LDHAL6A: variants seen among roughly 807,000 people sequenced by gnomAD.
LDHAL6A encodes the protein L-lactate dehydrogenase A-like 6A.
LDHAL6A carries 19 observed loss-of-function variants against 28.2 expected under a neutral mutation model. That is an observed-to-expected ratio of 0.67 (90% CI 0.47 to 0.99). LDHAL6A has a LOEUF of 0.99. LDHAL6A is among the 50% of genes least tolerant of loss of function. The pLI is 0.00. For missense variants in LDHAL6A, 372 were observed against 398.6 expected (o/e 0.93, Z 0.57); for synonymous variants, 144 against 134.4 (o/e 1.07, Z -0.49).
rs771130636 is a variant in LDHAL6A at position 18,476,461 on chromosome 11, C to A, written c.670C>A (p.Pro224Thr). 3 of 1,613,988 alleles carry A rather than the reference C, an allele frequency of 1.9e-6. No individual in the cohort carries two copies. The highest frequency in any genetic ancestry group is 4.5e-5 in the East Asian group (2 of 44,854). The change falls in exon 5 of 7, where the codon CCT becomes ACT. Residue 224 changes from proline to threonine, a missense_variant. By Grantham distance (38) the Pro-to-Thr change is conservative. Around this residue, in one of 3 missense-constraint regions of LDHAL6A, gnomAD observed 291 missense variants for 302.9 expected, o/e 0.96. Coordinates refer to ENST00000280706, the MANE Select transcript of LDHAL6A (RefSeq NM_144972.5). ...CCCAGATATAGGAACTGATAAAGAT[C>A]CTGAGCAGTGGGAAAATGTCCACAA... ...LNPDIGTDKD[P>T]EQWENVHKKV...
intron 1 of LDHAL6A, among the ~76,000 whole-genome samples, chr11:18,462,588 G>C (rs1848946468): frequency 2.1e-5 from 3 of 145,892 alleles, no homozygotes; most frequent in Non-Finnish European, 3.0e-5. Context: ...AGTGAGCCGA[G>C]ATCACGCCAC....
intron 3 of LDHAL6A, among the ~76,000 whole-genome samples, chr11:18,467,955 ACG>A (rs1205759927): frequency 0.01 from 408 of 39,150 alleles, 33 homozygotes; most frequent in African/African-American, 0.035. Flanking sequence ...ATATATATAT[ACG>A]TATATATATA....
intron 5 of LDHAL6A, chr11:18,476,778 A>G: frequency 5.2e-6 from 1 of 191,830 alleles, no homozygotes; most frequent in Non-Finnish European, 9.6e-6. Context: ...CTTGCTATAT[A>G]GTGTTTATTG....
rs1027846781 is a variant in LDHAL6A, at chr11:18,456,253, C to T, written c.-428C>T. On this transcript the variant is annotated 5_prime_UTR_variant, in exon 1 of 7. Transcript: ENST00000280706. ...TGAGTGTGGCCAGAAGTACCTCTCA[C>T]CTGGACCTGCGGACCCCGGGCGCAG... The T allele has an allele frequency of 5.6e-6, 1 of 177,512 alleles. No individual in the cohort carries two copies. The highest frequency in any genetic ancestry group is 2.4e-5 in the African/African-American group (1 of 41,610). 11.0% of individuals were successfully genotyped at this position (177,512 alleles called of 1,614,324 possible). A position where few individuals can be genotyped will look rare whatever the true frequency, so the allele number is the denominator to read the frequency against.
chr11:18,466,796 C>G (rs919060911), intron 3 of LDHAL6A, among the ~76,000 whole-genome samples: 3 of 152,144 alleles, frequency 2.0e-5, no homozygotes, highest in African/African-American at 7.2e-5. Flanking sequence ...TACTGCCTGA[C>G]TCTCCAAAAT....
intron 3 of LDHAL6A, among the ~76,000 whole-genome samples, chr11:18,471,936 T>C (rs1307828197): frequency 6.7e-6 from 1 of 148,358 alleles, no homozygotes; most frequent in East Asian, 2.0e-4. Flanking sequence ...AAGTGGAAAA[T>C]GGAAAATTTA....
intron 1 of LDHAL6A, among the ~76,000 whole-genome samples, chr11:18,457,184 A>G (rs1274554699): frequency 6.6e-6 from 1 of 152,178 alleles, no homozygotes; most frequent in Non-Finnish European, 1.5e-5. Context: ...CAAATACAAT[A>G]ATCTTTTTTC....
At chr11:18,460,512 G>A (rs1848870652) in intron 1 of LDHAL6A, among the ~76,000 whole-genome samples, 1 of 149,932 alleles carries the variant, frequency 6.7e-6, no homozygotes, top group Admixed American at 6.7e-5. Flanking sequence ...AGAATCGCTT[G>A]AACCCGGGAG....
At chr11:18,478,671 T>TA (rs2133895334) in intron 6 of LDHAL6A, 35 bp from the exon 7 acceptor site, 1 of 1,554,394 alleles carries the variant, frequency 6.4e-7, no homozygotes, top group Non-Finnish European at 8.8e-7. Flanking sequence ...AGAACTTTGT[T>TA]AAAAAAGGAA....
Position 18,475,673 on chromosome 11 carries a change from T to G in LDHAL6A, c.592+34T>G, listed in dbSNP as rs918675253. The G allele has an allele frequency of 2.5e-6, 4 of 1,569,084 alleles. No homozygotes were observed. In the Admixed American group the frequency reaches 7.4e-5, roughly 29 times the overall value. ...GAGGCACGATTGAGCCTCTGAAATATCTATTTCCTATCAATCATACAGACA... is the reference window on the plus strand; with the variant it reads ...GAGGCACGATTGAGCCTCTGAAATAGCTATTTCCTATCAATCATACAGACA... On this transcript the variant is annotated intron_variant, in intron 4 of 6. Transcript: ENST00000280706.
At position 18,475,518 on chromosome 11, in the gene LDHAL6A, T is replaced by C. The variant is rs141979925; in HGVS notation, c.471T>C (p.Arg157=). The change falls in exon 4 of 7, where the codon CGT becomes CGC. Residue 157 remains arginine (R), a synonymous_variant. Transcript: ENST00000280706. The part of the protein sequence containing the change: ...AWKLSGFPKN[R]VIGSGCNLDS... Reference sequence around the variant, plus strand: ...AGTTGAGTGGATTTCCCAAAAACCGTGTTATTGGAAGTGGTTGTAATCTGG... The same window carrying C: ...AGTTGAGTGGATTTCCCAAAAACCGCGTTATTGGAAGTGGTTGTAATCTGG... The C allele has an allele frequency of 8.1e-6, 13 of 1,613,564 alleles. No individual in the cohort carries two copies. In the African/African-American group the frequency reaches 1.1e-4, roughly 13 times the overall value.
In LDHAL6A at chr11:18,475,631, A is replaced by T. The variant is rs773302891; in HGVS notation, c.584A>T (p.Asp195Val). 6.2e-7 allele frequency: 1 copy of T among 1,612,414 alleles called. No homozygotes were observed. Among genetic ancestry groups the T allele is most frequent in the Non-Finnish European group, 8.5e-7 (1 of 1,179,368 alleles). ...CHGLILGEHG[D>V]SSVPVWSGVN... ...GGGCTGATCCTTGGAGAGCATGGCGACTCAAGTGGTAAGCCTGAGGCACGA... is the reference window on the plus strand; with the variant it reads ...GGGCTGATCCTTGGAGAGCATGGCGTCTCAAGTGGTAAGCCTGAGGCACGA... The change falls in exon 4 of 7, where the codon GAC becomes GTC. Residue 195 changes from aspartate to valine, a missense_variant. By Grantham distance (152) the Asp-to-Val change is radical (BLOSUM62 -3). Coordinates refer to ENST00000280706, the MANE Select transcript of LDHAL6A (RefSeq NM_144972.5).
Position 18,475,813 on chromosome 11 carries a change from G to A in LDHAL6A, c.592+174G>A, listed in dbSNP as rs149951855. 2.9e-3 allele frequency: 1,533 copies of A among 519,720 alleles called. 30 individuals carry two copies. In the East Asian group the frequency reaches 0.033, roughly 11 times the overall value. 32.2% of individuals were successfully genotyped at this position (519,720 alleles called of 1,614,324 possible). A position where few individuals can be genotyped will look rare whatever the true frequency, so the allele number is the denominator to read the frequency against. On this transcript the variant is annotated intron_variant, in intron 4 of 6. Coordinates refer to ENST00000280706, the MANE Select transcript of LDHAL6A (RefSeq NM_144972.5). ...TTTAAAATAACCAACAAAAAATACA[G>A]ATTTGAAAAATGTGAGATTGATACT...
At chr11:18,461,136 C>T (rs943102128) in intron 1 of LDHAL6A, among the ~76,000 whole-genome samples, 1 of 148,932 alleles carries the variant, frequency 6.7e-6, no homozygotes, top group African/African-American at 2.5e-5. Flanking sequence ...CCGCGCCCGG[C>T]CTTGGTCATT....
intron 6 of LDHAL6A, 89 bp from the exon 7 acceptor site, chr11:18,478,617 A>G: frequency 9.7e-7 from 1 of 1,033,460 alleles, no homozygotes; most frequent in East Asian, 2.4e-5. Context: ...GTACTATACC[A>G]ATCTGTTATT....
chr11:18,466,814 GACTCCTC>G, intron 3 of LDHAL6A, among the ~76,000 whole-genome samples: 1 of 152,242 alleles, frequency 6.6e-6, no homozygotes. Context: ...AATTGTACTA[GACTCCTC>G]ACTGGTGCAT....
chr11:18,471,075 A>T (rs547455287), intron 3 of LDHAL6A, among the ~76,000 whole-genome samples: 1 of 152,310 alleles, frequency 6.6e-6, no homozygotes, highest in Non-Finnish European at 1.5e-5. Flanking sequence ...TATTATGCTG[A>T]TATGAATGTG....
chr11:18,467,880 C>CATATAT lies in LDHAL6A; in HGVS notation c.418+2104_418+2109dup, dbSNP rs1161164040. Among the ~76,000 whole-genome samples, 77 of 44,378 alleles carry CATATAT rather than the reference C, an allele frequency of 1.7e-3. 1 individual carries two copies. The highest frequency in any genetic ancestry group is 0.011 in the African/African-American group (75 of 6,976). The allele number at this position is 44,378 out of a possible 152,430, so 29.1% of individuals were successfully genotyped here. On this transcript the variant is annotated intron_variant, in intron 3 of 6. Coordinates refer to ENST00000280706, the MANE Select transcript of LDHAL6A (RefSeq NM_144972.5). ...CAAAAAAAATATATATATATACACACATATATATATATATATATATATATA... is the reference window on the plus strand; with the variant it reads ...CAAAAAAAATATATATATATACACACATATATATATATATATATATATATATATATA...
chr11:18,459,542 C>T (rs1848844799), intron 1 of LDHAL6A, among the ~76,000 whole-genome samples: 1 of 152,184 alleles, frequency 6.6e-6, no homozygotes. Context: ...GTCAGTACTC[C>T]TTAGTAAACT....
Sources: gnomAD v4.1 joint callset for allele counts (sites outside exome capture counted in the v4.1 genomes callset) on GRCh38, gnomAD v4.1.1 for gene constraint, gnomAD v4.1.1 regional missense constraint, MANE v1.5 for transcripts, NCBI Gene and HGNC (gene_info 2026-07-23, HGNC 2026-07-21) for gene names.